The following EPHA3 variants were observed in gnomAD, a reference collection of about 807,000 sequenced individuals.
EPHA3 encodes the protein ephrin type-A receptor 3.
EPHA3 carries 42 observed loss-of-function variants against 107.1 expected under a neutral mutation model. The observed-to-expected ratio is 0.39, with a 90% confidence interval of 0.31 to 0.51. The LOEUF (loss-of-function observed/expected upper bound fraction) is 0.51. Ranked by LOEUF, EPHA3 falls within the 20% of genes least tolerant of loss-of-function variation. EPHA3 has a pLI of 0.78. For missense variants in EPHA3, 1,183 were observed against 1,211.2 expected, an observed-to-expected ratio of 0.98 and a Z score of 0.35; for synonymous variants, 461 against 424.8, an observed-to-expected ratio of 1.09 and a Z score of -1.05.
rs149373704 is a variant in EPHA3, at chr3:89,450,656, C to G, written c.2690+286C>G. 7.2e-5 allele frequency among the ~76,000 whole-genome samples: 11 copies of G among 152,156 alleles called. No individual in the cohort carries two copies. In the East Asian group the frequency reaches 1.9e-3, roughly 27 times the overall value. ...GGAATACTGGAGGGGTGCGGTGGCTCGTGCCTGTAATCCAAGCACTTTGGT... is the reference window on the plus strand; with the variant it reads ...GGAATACTGGAGGGGTGCGGTGGCTGGTGCCTGTAATCCAAGCACTTTGGT... On this transcript the variant is annotated intron_variant, in intron 15 of 16. Transcript: ENST00000336596.
intron 3 of EPHA3, among the ~76,000 whole-genome samples, chr3:89,285,050 G>A (rs1215722852): frequency 6.6e-6 from 1 of 152,110 alleles, no homozygotes; most frequent in Non-Finnish European, 1.5e-5. Context: ...ACTAAACCCA[G>A]GGGGCAGAGG....
intron 1 of EPHA3, among the ~76,000 whole-genome samples, chr3:89,110,503 T>C (rs1030186493): frequency 5.3e-5 from 8 of 151,968 alleles, no homozygotes; most frequent in Non-Finnish European, 1.2e-4. Context: ...TTCAAGAAAA[T>C]GACTCCAGGT....
intron 2 of EPHA3, among the ~76,000 whole-genome samples, chr3:89,182,911 A>G (rs1705478625): frequency 1.3e-5 from 2 of 151,906 alleles, no homozygotes; most frequent in South Asian, 4.1e-4. Flanking sequence ...TTGTTACTAA[A>G]ATATTTTGAA....
intron 3 of EPHA3, among the ~76,000 whole-genome samples, chr3:89,321,009 T>G (rs1208448425): frequency 2.0e-5 from 3 of 152,134 alleles, no homozygotes; most frequent in Non-Finnish European, 4.4e-5. Context: ...AGACTGCCTT[T>G]TTTTTTCTCT....
intron 5 of EPHA3, among the ~76,000 whole-genome samples, chr3:89,359,096 G>T (rs1348402622): frequency 6.6e-6 from 1 of 151,076 alleles, no homozygotes; most frequent in Admixed American, 6.6e-5. Context: ...ACCACATAAA[G>T]TATATAAAAC....
chr3:89,458,707 G>A (rs544089591), intron 15 of EPHA3, among the ~76,000 whole-genome samples: 63 of 152,108 alleles, frequency 4.1e-4, no homozygotes, highest in East Asian at 1.5e-3. Flanking sequence ...TTTAATGATC[G>A]CCATTCTAAC....
At chr3:89,284,335 C>A (rs1031255487) in intron 3 of EPHA3, among the ~76,000 whole-genome samples, 4 of 152,048 alleles carry the variant, frequency 2.6e-5, no homozygotes, top group African/African-American at 9.7e-5. Context: ...AAAAAATAAA[C>A]CATTTCTGGT....
chr3:89,351,565 A>G (rs1707820414), intron 5 of EPHA3, among the ~76,000 whole-genome samples: 1 of 150,796 alleles, frequency 6.6e-6, no homozygotes, highest in Non-Finnish European at 1.5e-5. Context: ...AAATGCAGAA[A>G]TCACCCGTCT....
At chr3:89,460,294 A>G (rs1406543440) in intron 15 of EPHA3, among the ~76,000 whole-genome samples, 1 of 150,630 alleles carries the variant, frequency 6.6e-6, no homozygotes, top group Admixed American at 6.7e-5. Flanking sequence ...TTGACACAAA[A>G]AAATTAGATA....
intron 13 of EPHA3, among the ~76,000 whole-genome samples, chr3:89,448,712 T>C (rs1167519094): frequency 6.6e-6 from 1 of 152,134 alleles, no homozygotes; most frequent in Admixed American, 6.5e-5. Context: ...TTTTTTAAAA[T>C]ATAATTTTAT....
chr3:89,144,591 T>C (rs1362355917), intron 2 of EPHA3, among the ~76,000 whole-genome samples: 1 of 151,850 alleles, frequency 6.6e-6, no homozygotes, highest in East Asian at 1.9e-4. Flanking sequence ...CACTTTCATT[T>C]CTTTTCATAT....
At chr3:89,399,966 A>T in intron 7 of EPHA3, 1 of 1,047,318 alleles carries the variant, frequency 9.5e-7, no homozygotes, top group Non-Finnish European at 1.2e-6. Flanking sequence ...CACATTCAGA[A>T]GTAATTTGAA....
chr3:89,130,222 C>T (rs1704176785), intron 2 of EPHA3, among the ~76,000 whole-genome samples: 1 of 151,976 alleles, frequency 6.6e-6, no homozygotes, highest in African/African-American at 2.4e-5. Flanking sequence ...AGAAGAATGA[C>T]CTGGTCTAAA....
At chr3:89,155,618 G>T (rs528384077) in intron 2 of EPHA3, among the ~76,000 whole-genome samples, 117 of 152,114 alleles carry the variant, frequency 7.7e-4, no homozygotes, top group African/African-American at 2.8e-3. Context: ...TTTTCACAAT[G>T]CCAGGCTTTA....
rs555778568 is a variant in EPHA3 at position 89,203,696 on chromosome 3, G to C, written c.154-6164G>C. Reference sequence around the variant, plus strand: ...GGAGGCTGAGGCAGGAGAATGGCGTGAACCTGGGAGGCGCAGCTTGCAGTG... The same window carrying C: ...GGAGGCTGAGGCAGGAGAATGGCGTCAACCTGGGAGGCGCAGCTTGCAGTG... On this transcript the variant is annotated intron_variant, in intron 2 of 16. Coordinates refer to ENST00000336596, the MANE Select transcript of EPHA3 (RefSeq NM_005233.6). Among the ~76,000 whole-genome samples, 545 of 152,168 alleles carry C rather than the reference G, an allele frequency of 3.6e-3. 2 individuals are homozygous for C. Among genetic ancestry groups the C allele is most frequent in the African/African-American group, 0.013 (530 of 41,506 alleles).
At chr3:89,397,913 G>GA (rs1290541809) in intron 6 of EPHA3, among the ~76,000 whole-genome samples, 10 of 151,900 alleles carry the variant, frequency 6.6e-5, no homozygotes, top group Non-Finnish European at 1.5e-4. Context: ...GCTATTGCAG[G>GA]AAAAAATGGT....
Position 89,450,170 on chromosome 3 carries a change from C to T in EPHA3, c.2497-7C>T, listed in dbSNP as rs2107554705. On this transcript the variant is annotated splice_region_variant and splice_polypyrimidine_tract_variant and intron_variant, in intron 14 of 16. Coordinates refer to ENST00000336596, the MANE Select transcript of EPHA3 (RefSeq NM_005233.6). The stretch of plus-strand genomic sequence containing the variant: ...CCTGGTTCCTGAAAACTTTGCTTCT[C>T]ACACAGGTAATTAAAGCTGTAGATG... The T allele has an allele frequency of 1.3e-6, 2 of 1,561,576 alleles. No homozygotes were observed. The highest frequency in any genetic ancestry group is 1.7e-6 in the Non-Finnish European group (2 of 1,152,290).
intron 5 of EPHA3, among the ~76,000 whole-genome samples, chr3:89,392,642 A>T (rs1708768729): frequency 6.6e-6 from 1 of 152,102 alleles, no homozygotes; most frequent in Admixed American, 6.6e-5. Flanking sequence ...CTCAAATTGC[A>T]AATTTAAAAA....
intron 2 of EPHA3, among the ~76,000 whole-genome samples, chr3:89,149,781 A>G (rs1194813136): frequency 1.3e-5 from 2 of 151,928 alleles, no homozygotes; most frequent in Admixed American, 6.6e-5. Flanking sequence ...GTTATAAGAA[A>G]CTAAAATTAA....
Sources: gnomAD v4.1 joint callset for allele counts (sites outside exome capture counted in the v4.1 genomes callset) on GRCh38, gnomAD v4.1.1 for gene constraint, MANE v1.5 for transcripts, NCBI Gene and HGNC (gene_info 2026-07-23, HGNC 2026-07-21) for gene names.